CACNB2: variants seen among roughly 807,000 people sequenced by gnomAD.
CACNB2 encodes the protein voltage-dependent L-type calcium channel subunit beta-2.
In CACNB2, 42 loss-of-function variants were observed where a neutral mutation model predicts 73.3. The ratio of observed to expected loss-of-function variants is 0.57; its 90% CI spans 0.45 to 0.74. The LOEUF is 0.74. Among genes scored for constraint, CACNB2 ranks in the 30% least tolerant of loss-of-function variants. CACNB2 has a pLI of 0.00. For missense variants in CACNB2, 940 were observed against 853.0 expected (o/e 1.10, Z -1.27); for synonymous variants, 348 against 310.3 (o/e 1.12, Z -1.28).
intron 1 of CACNB2, among the ~76,000 whole-genome samples, chr10:18,146,278 G>T (rs2030965882): frequency 6.7e-6 from 1 of 149,856 alleles, no homozygotes. Context: ...AAACATCAAT[G>T]AATACGAACT....
chr10:18,199,445 A>C (rs1401308839), intron 2 of CACNB2, among the ~76,000 whole-genome samples: 1 of 152,138 alleles, frequency 6.6e-6, no homozygotes, highest in Non-Finnish European at 1.5e-5. Context: ...GTTCTGAGTA[A>C]ACCTCCCCGA....
chr10:18,350,598 C>T (rs2041667172), intron 2 of CACNB2, among the ~76,000 whole-genome samples: 1 of 152,164 alleles, frequency 6.6e-6, no homozygotes, highest in African/African-American at 2.4e-5. Flanking sequence ...CCTCCTTGAC[C>T]TTGAACCCTG....
chr10:18,337,257 G>A (rs1372076270), intron 2 of CACNB2, among the ~76,000 whole-genome samples: 1 of 152,046 alleles, frequency 6.6e-6, no homozygotes, highest in African/African-American at 2.4e-5. Flanking sequence ...AGCCTCCTGA[G>A]TAGCTGGGAC....
intron 3 of CACNB2, among the ~76,000 whole-genome samples, chr10:18,418,058 G>T (rs2045097076): frequency 6.6e-6 from 1 of 152,018 alleles, no homozygotes; most frequent in South Asian, 2.1e-4. Context: ...GTGCAGGGTT[G>T]TGGTTTTTTG....
chr10:18,459,216 A>T (rs151284664), intron 3 of CACNB2, among the ~76,000 whole-genome samples: 18 of 152,350 alleles, frequency 1.2e-4, no homozygotes, highest in Admixed American at 8.5e-4. Flanking sequence ...TGTCACAGCT[A>T]TAGCCAAGAA....
chr10:18,195,908 G>A (rs1476571746), intron 2 of CACNB2, among the ~76,000 whole-genome samples: 2 of 152,158 alleles, frequency 1.3e-5, no homozygotes, highest in African/African-American at 4.8e-5. Context: ...TAATTAAAAT[G>A]CATCTGTAGT....
intron 2 of CACNB2, among the ~76,000 whole-genome samples, chr10:18,335,816 C>T (rs1413738464): frequency 2.6e-5 from 4 of 151,628 alleles, no homozygotes; most frequent in Non-Finnish European, 4.4e-5. Context: ...CACACACACA[C>T]ACACACACAT....
intron 3 of CACNB2, among the ~76,000 whole-genome samples, chr10:18,454,047 T>C (rs75212981): frequency 0.027 from 4,095 of 152,268 alleles, 79 homozygotes; most frequent in East Asian, 0.1. Flanking sequence ...TTTCCCACAA[T>C]AGGTATTGTA....
chr10:18,379,426 C>T (rs1396840585), intron 2 of CACNB2, among the ~76,000 whole-genome samples: 1 of 152,134 alleles, frequency 6.6e-6, no homozygotes, highest in African/African-American at 2.4e-5. Flanking sequence ...GTTGACCAGG[C>T]TGGTCTCGAA....
At chr10:18,188,103 T>C (rs992297835) in intron 2 of CACNB2, among the ~76,000 whole-genome samples, 26 of 152,224 alleles carry the variant, frequency 1.7e-4, no homozygotes, top group African/African-American at 6.3e-4. Context: ...CCAGAAATTC[T>C]ATTTATTATT....
intron 2 of CACNB2, among the ~76,000 whole-genome samples, chr10:18,172,817 C>T (rs926203858): frequency 2.6e-5 from 4 of 152,044 alleles, no homozygotes; most frequent in African/African-American, 4.8e-5. Flanking sequence ...CAACTCCAAG[C>T]CTGAATTCTT....
At chr10:18,166,504 G>T (rs2032862249) in intron 2 of CACNB2, among the ~76,000 whole-genome samples, 1 of 152,228 alleles carries the variant, frequency 6.6e-6, no homozygotes, top group South Asian at 2.1e-4. Context: ...GGGATTACAG[G>T]CGTGAGCCAC....
At chr10:18,403,139 A>G (rs1241063962) in intron 3 of CACNB2, among the ~76,000 whole-genome samples, 1 of 152,174 alleles carries the variant, frequency 6.6e-6, no homozygotes, top group Non-Finnish European at 1.5e-5. Flanking sequence ...CTGGCAGGGA[A>G]ATTTTCTCCA....
intron 2 of CACNB2, among the ~76,000 whole-genome samples, chr10:18,333,804 A>G (rs1267004616): frequency 1.3e-5 from 2 of 152,214 alleles, no homozygotes; most frequent in Non-Finnish European, 2.9e-5. Context: ...CTATGGTTGG[A>G]TAAATAGACT....
intron 9 of CACNB2, among the ~76,000 whole-genome samples, chr10:18,526,761 T>C (rs1564654701): frequency 6.6e-6 from 1 of 152,230 alleles, no homozygotes; most frequent in East Asian, 1.9e-4. Context: ...ATTATTTTCC[T>C]TTATTATTTA....
chr10:18,289,070 A>T (rs969336023), intron 2 of CACNB2, among the ~76,000 whole-genome samples: 1 of 152,004 alleles, frequency 6.6e-6, no homozygotes, highest in African/African-American at 2.4e-5. Flanking sequence ...AAAGTAAAAA[A>T]ATTTTTCTCC....
Position 18,387,984 on chromosome 10 carries a change from C to T in CACNB2, c.214-13940C>T, listed in dbSNP as rs569039024. On this transcript the variant is annotated intron_variant, in intron 2 of 13. Coordinates refer to ENST00000324631, the MANE Select transcript of CACNB2 (RefSeq NM_201596.3). ...GTTGTCCACATTGGTCTCAAACTGC[C>T]GAGCTCAAGCAATCCTCCTGCCTCG... Among the ~76,000 whole-genome samples, 9 of 152,126 alleles carry T rather than the reference C, an allele frequency of 5.9e-5. No individual in the cohort carries two copies. In the South Asian group the frequency reaches 6.2e-4, roughly 11 times the overall value.
At position 18,400,640 on chromosome 10, in the gene CACNB2, G is replaced by GTT. The variant is rs34680296; in HGVS notation, c.214-1268_214-1267dup. 3,793 of 932,898 alleles carry GTT rather than the reference G, an allele frequency of 4.1e-3. 25 individuals carry two copies. The highest frequency in any genetic ancestry group is 0.032 in the African/African-American group (1,616 of 51,144). The allele number at this position is 932,898 out of a possible 1,614,324, so 57.8% of individuals were successfully genotyped here. ...TGTCACTGCATACGTTTTTGCACTAGTTTTTTTTTTTTTTTTTCTGCGATT... is the reference window on the plus strand; with the variant it reads ...TGTCACTGCATACGTTTTTGCACTAGTTTTTTTTTTTTTTTTTTTCTGCGATT... On this transcript the variant is annotated intron_variant, in intron 2 of 13. Transcript: ENST00000324631.
chr10:18,299,307 G>A (rs150876814), intron 2 of CACNB2, among the ~76,000 whole-genome samples: 45 of 152,166 alleles, frequency 3.0e-4, no homozygotes, highest in African/African-American at 1.1e-3. Flanking sequence ...AACAGAGTAC[G>A]GGTGGATGAT....
Sources: gnomAD v4.1 joint callset for allele counts (sites outside exome capture counted in the v4.1 genomes callset) on GRCh38, gnomAD v4.1.1 for gene constraint, MANE v1.5 for transcripts, NCBI Gene and HGNC (gene_info 2026-07-23, HGNC 2026-07-21) for gene names.